Variants in NTN1 observed in about 807,000 individuals in gnomAD.
NTN1 encodes the protein netrin-1.
In NTN1, 11 loss-of-function variants were observed where a neutral mutation model predicts 54.2. The ratio of observed to expected loss-of-function variants is 0.20; its 90% CI spans 0.13 to 0.34. NTN1 has a LOEUF of 0.34. Ranked by LOEUF, NTN1 falls within the 10% of genes least tolerant of loss-of-function variation. NTN1 has a pLI of 1.00. For missense variants in NTN1, 740 were observed against 893.1 expected (o/e 0.83, Z 2.18); for synonymous variants, 371 against 382.0 (o/e 0.97, Z 0.33).
chr17:9,239,644 C>T lies in NTN1; in HGVS notation c.1491C>T (p.Val497=), dbSNP rs764465192. ...MKKYCKKDYA[V]QIHILKADKA... is the part of the protein sequence containing the mutation. ...TCTGCCTGTGCTTCCTTGCAGCCGT[C>T]CAGATCCACATCCTGAAGGCGGACA... Residue 497 remains valine, a synonymous_variant, in exon 7 of 7, where the codon GTC becomes GTT. Coordinates refer to ENST00000173229, the MANE Select transcript of NTN1 (RefSeq NM_004822.3). The surrounding 1 kb of genome is among the most constrained non-coding windows in gnomAD (Gnocchi z 5.2). The T allele has an allele frequency of 5.6e-6, 9 of 1,607,870 alleles. No individual in the cohort carries two copies. Among genetic ancestry groups the T allele is most frequent in the African/African-American group, 1.3e-5 (1 of 74,838 alleles).
At chr17:9,042,568 C>T (rs1339269607) in intron 2 of NTN1, among the ~76,000 whole-genome samples, 1 of 151,412 alleles carries the variant, frequency 6.6e-6, no homozygotes, top group Non-Finnish European at 1.5e-5. Context: ...GCGGGCAGAT[C>T]ATGAGGTCAG....
At chr17:9,090,926 G>A (rs908016629) in intron 2 of NTN1, among the ~76,000 whole-genome samples, 31 of 152,188 alleles carry the variant, frequency 2.0e-4, no homozygotes, top group Admixed American at 1.2e-3. Context: ...CCCCTCCACC[G>A]GGACCCTCAG....
chr17:9,214,549 G>A (rs1385662531), intron 5 of NTN1, among the ~76,000 whole-genome samples: 1 of 152,242 alleles, frequency 6.6e-6, no homozygotes, highest in Admixed American at 6.5e-5. Flanking sequence ...TAGGCTGGGT[G>A]CAGTGGCTCA....
chr17:9,198,082 A>C (rs577503654), intron 5 of NTN1, among the ~76,000 whole-genome samples: 31 of 152,182 alleles, frequency 2.0e-4, no homozygotes, highest in Middle Eastern at 3.4e-3. Flanking sequence ...TTCTCCCCAG[A>C]ACCTCAGGGG....
rs9910947 is a variant in NTN1 at position 9,105,092 on chromosome 17, G to C, written c.1019-57721G>C. ...CAAGGACAGGTGTTTTGTTTTGAGC[G>C]TCCATTTCAGAATGAAAAGACGTGG... On this transcript the variant is annotated intron_variant, in intron 2 of 6. Coordinates refer to ENST00000173229, the MANE Select transcript of NTN1 (RefSeq NM_004822.3). Among the ~76,000 whole-genome samples, 1,222 of 152,190 alleles carry C rather than the reference G, an allele frequency of 8.0e-3. 23 individuals are homozygous for C. The highest frequency in any genetic ancestry group is 0.028 in the African/African-American group (1,181 of 41,542).
rs1315174675 is a variant in NTN1 at position 9,221,149 on chromosome 17, C to CT, written c.1412-19_1412-18insT. 2 of 1,419,676 alleles carry CT rather than the reference C, an allele frequency of 1.4e-6. No homozygotes were observed. Among genetic ancestry groups the CT allele is most frequent in the Non-Finnish European group, 9.8e-7 (1 of 1,015,822 alleles). 87.9% of individuals were successfully genotyped at this position (1,419,676 alleles called of 1,614,324 possible). On this transcript the variant is annotated intron_variant, in intron 5 of 6. Coordinates refer to ENST00000173229, the MANE Select transcript of NTN1 (RefSeq NM_004822.3). This position sits in a 1 kb window ranked among gnomAD's most constrained non-coding sequence, Gnocchi z 4.5. ...GCCTAATTAGTTTTTGTCTGTGCTC[C>CT]CCCCCCACCCCCCTGCAGACTGCGA...
In NTN1 at chr17:9,142,058, C is replaced by T. The variant is rs564334161; in HGVS notation, c.1019-20755C>T. On this transcript the variant is annotated intron_variant, in intron 2 of 6. Coordinates refer to ENST00000173229, the MANE Select transcript of NTN1 (RefSeq NM_004822.3). ...AGGAGAATCGCATGAACCCGGGAGG[C>T]GGAGCTTGCAGTGAGCCGAGATCGT... 1.1e-3 allele frequency among the ~76,000 whole-genome samples: 164 copies of T among 152,036 alleles called. 3 individuals are homozygous for T. The highest frequency in any genetic ancestry group is 2.0e-3 in the Non-Finnish European group (133 of 68,012).
chr17:9,128,969 A>G (rs913691534), intron 2 of NTN1, among the ~76,000 whole-genome samples: 29 of 152,246 alleles, frequency 1.9e-4, no homozygotes, highest in African/African-American at 6.0e-4. Flanking sequence ...TCTTTCCCCA[A>G]TGCTGCCCTG....
At chr17:9,127,078 G>C (rs559091494) in intron 2 of NTN1, among the ~76,000 whole-genome samples, 2 of 142,384 alleles carry the variant, frequency 1.4e-5, no homozygotes, top group South Asian at 2.6e-4. Context: ...GGCCGGGGGG[G>C]GGCAGGACAG....
At chr17:9,076,318 T>C (rs980724992) in intron 2 of NTN1, among the ~76,000 whole-genome samples, 5 of 152,218 alleles carry the variant, frequency 3.3e-5, no homozygotes, top group African/African-American at 1.2e-4. Context: ...GGCAGAGGGA[T>C]GGGAATGCCT....
chr17:9,080,886 C>T (rs2092068377), intron 2 of NTN1, among the ~76,000 whole-genome samples: 1 of 152,222 alleles, frequency 6.6e-6, no homozygotes, highest in African/African-American at 2.4e-5. Context: ...CATGGAAGCT[C>T]CTCGCCCTTC....
intron 5 of NTN1, chr17:9,183,661 G>C (rs143532657): frequency 9.3e-6 from 2 of 215,276 alleles, no homozygotes; most frequent in Admixed American, 1.1e-4. Context: ...AGAAGCACTC[G>C]CGTAACGTAA....
chr17:9,145,304 C>T (rs2142283877), intron 2 of NTN1, among the ~76,000 whole-genome samples: 1 of 152,244 alleles, frequency 6.6e-6, no homozygotes, highest in African/African-American at 2.4e-5. Context: ...TCCCAAGCCC[C>T]CTAATTTTAG....
At chr17:9,130,520 T>C (rs533049250) in intron 2 of NTN1, among the ~76,000 whole-genome samples, 60 of 152,214 alleles carry the variant, frequency 3.9e-4, no homozygotes, top group African/African-American at 1.4e-3. Flanking sequence ...CCACCTGGGG[T>C]GGCCAGCTGC....
chr17:9,195,047 C>T (rs1263351543), intron 5 of NTN1, among the ~76,000 whole-genome samples: 2 of 152,040 alleles, frequency 1.3e-5, no homozygotes, highest in African/African-American at 4.8e-5. Flanking sequence ...CTCCTACACC[C>T]CCTACCCCCA....
At chr17:9,045,484 C>T (rs2091938970) in intron 2 of NTN1, among the ~76,000 whole-genome samples, 1 of 151,970 alleles carries the variant, frequency 6.6e-6, no homozygotes, top group Non-Finnish European at 1.5e-5. Flanking sequence ...GACCCAGCTT[C>T]ACGCCTGCCT....
chr17:9,147,375 CA>C (rs749222526), intron 2 of NTN1, among the ~76,000 whole-genome samples: 115 of 152,270 alleles, frequency 7.6e-4, no homozygotes, highest in Non-Finnish European at 1.3e-3. Context: ...ATTAGCCGGG[CA>C]TAGTGGCGGG....
At chr17:9,187,780 G>A (rs977915725) in intron 5 of NTN1, among the ~76,000 whole-genome samples, 5 of 151,726 alleles carry the variant, frequency 3.3e-5, no homozygotes, top group African/African-American at 4.8e-5. Context: ...GCAGTGAGCC[G>A]TGATTGCACC....
chr17:9,040,927 T>C (rs1016705161), intron 2 of NTN1, among the ~76,000 whole-genome samples: 1 of 152,086 alleles, frequency 6.6e-6, no homozygotes, highest in Non-Finnish European at 1.5e-5. Flanking sequence ...TCCTCCTACC[T>C]CACACTCTTG....
Sources: gnomAD v4.1 joint callset for allele counts (sites outside exome capture counted in the v4.1 genomes callset) on GRCh38, gnomAD v4.1.1 for gene constraint, Gnocchi (gnomAD v3.1) non-coding constraint, MANE v1.5 for transcripts, NCBI Gene and HGNC (gene_info 2026-07-23, HGNC 2026-07-21) for gene names.